HHIP: variants seen among roughly 807,000 people sequenced by gnomAD.
HHIP encodes hedgehog-interacting protein.
In HHIP, 12 loss-of-function variants were observed where a neutral mutation model predicts 74.0. The observed-to-expected ratio is 0.16, with a 90% CI of 0.10 to 0.26. The LOEUF (loss-of-function observed/expected upper bound fraction) is 0.26, where lower values mean the gene tolerates loss of function less well. Among genes scored for constraint, HHIP ranks in the 10% least tolerant of loss-of-function variants. The pLI is 1.00. For missense variants in HHIP, 788 were observed against 845.0 expected (o/e 0.93, Z 0.84); for synonymous variants, 309 against 311.6 (o/e 0.99, Z 0.09).
chr4:144,705,363 C>G (rs907647797), intron 4 of HHIP, among the ~76,000 whole-genome samples: 13 of 152,178 alleles, frequency 8.5e-5, no homozygotes, highest in Admixed American at 8.5e-4. Context: ...GAAGAGGTTG[C>G]AGTATTAGAG....
intron 2 of HHIP, among the ~76,000 whole-genome samples, chr4:144,657,039 G>T (rs1728577495): frequency 1.3e-5 from 2 of 151,872 alleles, no homozygotes; most frequent in Non-Finnish European, 2.9e-5. Context: ...CACTCCCAAG[G>T]ACATCTGCTC....
intron 10 of HHIP, among the ~76,000 whole-genome samples, chr4:144,717,247 A>C (rs967476855): frequency 1.3e-5 from 2 of 152,206 alleles, no homozygotes; most frequent in Non-Finnish European, 2.9e-5. Flanking sequence ...AAGTATTGAG[A>C]GTCTGGGACT....
intron 4 of HHIP, among the ~76,000 whole-genome samples, chr4:144,678,795 T>C (rs1369901535): frequency 6.6e-6 from 1 of 152,214 alleles, no homozygotes; most frequent in East Asian, 1.9e-4. Flanking sequence ...CTATCATTGG[T>C]GGGCATTTCG....
intron 2 of HHIP, among the ~76,000 whole-genome samples, 195 bp downstream of exon 2, chr4:144,652,992 A>G (rs1728464904): frequency 6.6e-6 from 1 of 152,132 alleles, no homozygotes; most frequent in Non-Finnish European, 1.5e-5. Context: ...TCAGTCTGCA[A>G]ACATTATAAT....
intron 4 of HHIP, among the ~76,000 whole-genome samples, chr4:144,693,395 T>C (rs1421136553): frequency 1.3e-5 from 2 of 152,104 alleles, no homozygotes; most frequent in Non-Finnish European, 2.9e-5. Context: ...TCCAAAATTG[T>C]ATTAATCATA....
At chr4:144,728,422 A>G (rs1730857364) in intron 11 of HHIP, among the ~76,000 whole-genome samples, 1 of 152,216 alleles carries the variant, frequency 6.6e-6, no homozygotes, top group Admixed American at 6.5e-5. Context: ...ATGTAAAAAT[A>G]AGATAGAACA....
At chr4:144,698,740 C>T (rs1729893299) in intron 4 of HHIP, among the ~76,000 whole-genome samples, 1 of 152,050 alleles carries the variant, frequency 6.6e-6, no homozygotes, top group Admixed American at 6.6e-5. Flanking sequence ...TGGTTTCATC[C>T]TCAGGGAATA....
intron 4 of HHIP, among the ~76,000 whole-genome samples, chr4:144,700,439 T>C (rs1037276212): frequency 6.6e-6 from 1 of 152,188 alleles, no homozygotes; most frequent in African/African-American, 2.4e-5. Context: ...CCCTAGAACT[T>C]GTGAATGTGT....
chr4:144,715,103 A>G, intron 9 of HHIP, 197 bp from the exon 10 acceptor site: 1 of 466,158 alleles, frequency 2.1e-6, no homozygotes, highest in African/African-American at 2.0e-5. Flanking sequence ...CAAACAAAAT[A>G]CTATCTTTAA....
At chr4:144,715,162 G>A (rs925731489) in intron 9 of HHIP, 138 bp from the exon 10 acceptor site, 1 of 693,488 alleles carries the variant, frequency 1.4e-6, no homozygotes, top group African/African-American at 1.8e-5. Context: ...CACGTTATGG[G>A]CTATGTTATT....
At chr4:144,734,701 TC>T in intron 11 of HHIP, 39 bp from the exon 12 acceptor site, 1 of 1,446,184 alleles carries the variant, frequency 6.9e-7, no homozygotes, top group African/African-American at 1.4e-5. Flanking sequence ...CTGTTGATTT[TC>T]AAATGGAATA....
At chr4:144,659,958 G>A (rs1312954134) in intron 4 of HHIP, 120 bp downstream of exon 4, 4 of 718,878 alleles carry the variant, frequency 5.6e-6, no homozygotes, top group Middle Eastern at 2.6e-4. Flanking sequence ...GAGAAAATAA[G>A]GGGGCAACAT....
chr4:144,742,835 ATATATATATCTTTATATATATATCT>A lies in HHIP; in HGVS notation c.*4888_*4912del, dbSNP rs1731289445. On this transcript the variant is annotated 3_prime_UTR_variant, in exon 13 of 13. Transcript: ENST00000296575. ...TATATATGGTTATATATATTTGGTT[ATATATATATCTTTATATATATATCT>A]TATATATATATCTTTTTATATATAT... The A allele has an allele frequency of 1.4e-5, 2 of 139,456 alleles. No homozygotes were observed. The highest frequency in any genetic ancestry group is 5.4e-5 in the African/African-American group (2 of 36,824). The allele number at this position is 139,456 out of a possible 1,614,324, so 8.6% of individuals were successfully genotyped here. A position where few individuals can be genotyped will look rare whatever the true frequency, so the allele number is the denominator to read the frequency against.
chr4:144,707,276 C>A lies in HHIP; in HGVS notation c.1157+16C>A. On this transcript the variant is annotated intron_variant, in intron 6 of 12. Coordinates refer to ENST00000296575, the MANE Select transcript of HHIP (RefSeq NM_022475.3). ...ATGGGTTAAGGTAAAAGGCTGATCACAGATGGGTTCCTCTCAAGGTTAAAA... is the reference window on the plus strand; with the variant it reads ...ATGGGTTAAGGTAAAAGGCTGATCAAAGATGGGTTCCTCTCAAGGTTAAAA... The A allele has an allele frequency of 6.4e-7, 1 of 1,570,810 alleles. No individual in the cohort carries two copies. The highest frequency in any genetic ancestry group is 8.6e-7 in the Non-Finnish European group (1 of 1,159,370).
intron 11 of HHIP, among the ~76,000 whole-genome samples, chr4:144,728,835 T>A (rs1230731755): frequency 3.9e-5 from 6 of 152,162 alleles, no homozygotes; most frequent in Non-Finnish European, 8.8e-5. Context: ...ATGGTTGTAT[T>A]ATAAATATAT....
chr4:144,668,491 C>T (rs892606646), intron 4 of HHIP, among the ~76,000 whole-genome samples: 1 of 152,148 alleles, frequency 6.6e-6, no homozygotes, highest in Admixed American at 6.5e-5. Flanking sequence ...TAGTGGCTCA[C>T]GCCTGTAATC....
At chr4:144,668,279 G>T (rs1426353398) in intron 4 of HHIP, among the ~76,000 whole-genome samples, 1 of 150,628 alleles carries the variant, frequency 6.6e-6, no homozygotes, top group Non-Finnish European at 1.5e-5. Context: ...ATCGCGCCAC[G>T]CCACTGCACT....
chr4:144,742,939 T>TTA lies in HHIP; in HGVS notation c.*4992_*4993dup, dbSNP rs1404846179. 4.6e-5 allele frequency: 6 copies of TTA among 130,498 alleles called. No homozygotes were observed. In the South Asian group the frequency reaches 9.1e-4, roughly 20 times the overall value. 8.1% of individuals were successfully genotyped at this position (130,498 alleles called of 1,614,324 possible). On this transcript the variant is annotated 3_prime_UTR_variant, in exon 13 of 13. Transcript: ENST00000296575. ...TTATATATATATCTTTATATATATC[T>TTA]TATATATATATCTTATACATATAAG... is the stretch of plus-strand genomic sequence containing the variant.
chr4:144,730,540 C>A (rs985323899), intron 11 of HHIP, among the ~76,000 whole-genome samples: 1 of 152,000 alleles, frequency 6.6e-6, no homozygotes, highest in Non-Finnish European at 1.5e-5. Flanking sequence ...AAAAGAAGAA[C>A]GAGACAATTT....
Sources: allele counts gnomAD v4.1 joint callset (sites outside exome capture counted in the v4.1 genomes callset), GRCh38; gene constraint gnomAD v4.1.1; transcripts MANE v1.5; gene names NCBI Gene and HGNC (gene_info 2026-07-23, HGNC 2026-07-21).